Variants in UBAC2 observed in about 807,000 individuals in gnomAD.
UBAC2 encodes the protein UBA domain containing 2.
A neutral mutation model predicts 44.0 loss-of-function variants in UBAC2; 26 were observed. That is an observed-to-expected ratio of 0.59 (90% CI 0.43 to 0.82). The LOEUF (loss-of-function observed/expected upper bound fraction) is 0.82. Ranked by LOEUF, UBAC2 falls within the 40% of genes least tolerant of loss-of-function variation. The pLI is 0.00. For missense variants in UBAC2, 329 were observed against 419.4 expected (o/e 0.78, Z 1.88); for synonymous variants, 155 against 154.3 (o/e 1.00, Z -0.04).
chr13:99,341,723 C>T (rs368868428), intron 7 of UBAC2, among the ~76,000 whole-genome samples: 4 of 152,076 alleles, frequency 2.6e-5, no homozygotes, highest in African/African-American at 4.8e-5. Flanking sequence ...GATGAAGCCT[C>T]GTATTTAGCA....
intron 1 of UBAC2, chr13:99,215,299 C>A: frequency 2.6e-6 from 2 of 759,696 alleles, no homozygotes; most frequent in South Asian, 1.4e-5. Context: ...AAATATAGTC[C>A]ACTGGCATCA....
chr13:99,239,563 C>G (rs534343100), intron 2 of UBAC2, among the ~76,000 whole-genome samples: 1 of 152,342 alleles, frequency 6.6e-6, no homozygotes, highest in East Asian at 1.9e-4. Context: ...GCTTTGAGGA[C>G]CACTAATGTA....
chr13:99,229,707 T>C (rs180793625), intron 1 of UBAC2, among the ~76,000 whole-genome samples: 2 of 152,082 alleles, frequency 1.3e-5, no homozygotes, highest in East Asian at 3.9e-4. Context: ...ATGGGGAAAA[T>C]TTGGATTGTT....
intron 1 of UBAC2, among the ~76,000 whole-genome samples, chr13:99,222,587 A>G (rs558926600): frequency 3.3e-5 from 5 of 152,312 alleles, no homozygotes; most frequent in African/African-American, 9.6e-5. Context: ...ATTGATGACA[A>G]ATTGGTTTCA....
At chr13:99,325,228 A>G (rs918131038) in intron 6 of UBAC2, among the ~76,000 whole-genome samples, 1 of 149,630 alleles carries the variant, frequency 6.7e-6, no homozygotes, top group South Asian at 2.1e-4. Flanking sequence ...TCAGCCTCCC[A>G]AGTAGCTGGG....
intron 7 of UBAC2, among the ~76,000 whole-genome samples, chr13:99,343,407 G>A (rs1049073959): frequency 6.6e-6 from 1 of 152,144 alleles, no homozygotes; most frequent in Non-Finnish European, 1.5e-5. Flanking sequence ...CACGGGATCT[G>A]CCAGGTTGTA....
At chr13:99,201,297 C>T (rs1225298450) in intron 1 of UBAC2, 3 of 1,466,406 alleles carry the variant, frequency 2.0e-6, no homozygotes, top group South Asian at 1.4e-5. Flanking sequence ...AGGAAGGGGC[C>T]GTCCCCCTTA....
intron 1 of UBAC2, among the ~76,000 whole-genome samples, chr13:99,212,169 C>G (rs2042943493): frequency 6.6e-6 from 1 of 152,142 alleles, no homozygotes; most frequent in Non-Finnish European, 1.5e-5. Flanking sequence ...ATAGGTGGAA[C>G]CTATCTTACA....
chr13:99,319,152 C>G (rs2044535810), intron 6 of UBAC2, among the ~76,000 whole-genome samples: 1 of 151,956 alleles, frequency 6.6e-6, no homozygotes, highest in Non-Finnish European at 1.5e-5. Context: ...ATTTTTTCAT[C>G]TTGTCTATGC....
chr13:99,347,448 G>C (rs1020003857), intron 7 of UBAC2, among the ~76,000 whole-genome samples: 2 of 151,834 alleles, frequency 1.3e-5, no homozygotes, highest in Non-Finnish European at 2.9e-5. Flanking sequence ...AGCGCTGCAT[G>C]AGCTGGAAGT....
At chr13:99,276,141 T>C (rs965585048) in intron 4 of UBAC2, among the ~76,000 whole-genome samples, 1 of 152,196 alleles carries the variant, frequency 6.6e-6, no homozygotes, top group African/African-American at 2.4e-5. Context: ...TCTGCCAAGA[T>C]GGGGAGAGGC....
At chr13:99,335,821 G>T (rs1251479792) in intron 6 of UBAC2, among the ~76,000 whole-genome samples, 1 of 152,170 alleles carries the variant, frequency 6.6e-6, no homozygotes, top group South Asian at 2.1e-4. Flanking sequence ...CTCCCCAGAG[G>T]CGCCATAGCT....
At chr13:99,202,072 CAAA>C (rs776251286) in intron 1 of UBAC2, among the ~76,000 whole-genome samples, 722 of 71,914 alleles carry the variant, frequency 0.01, 3 homozygotes, top group African/African-American at 0.038. Context: ...GACTCCATCT[CAAA>C]AAAAAAAAAA....
intron 4 of UBAC2, among the ~76,000 whole-genome samples, chr13:99,304,689 G>A (rs556100684): frequency 3.5e-4 from 53 of 152,248 alleles, no homozygotes; most frequent in South Asian, 1.7e-3. Flanking sequence ...TTTACTCATT[G>A]AATCCTCTCA....
chr13:99,233,525 G>T (rs2043199563), intron 1 of UBAC2, among the ~76,000 whole-genome samples: 1 of 152,134 alleles, frequency 6.6e-6, no homozygotes, highest in Non-Finnish European at 1.5e-5. Flanking sequence ...AAGATGAGTG[G>T]GTAGGTGGAG....
intron 8 of UBAC2, among the ~76,000 whole-genome samples, chr13:99,371,975 A>G (rs1326205443): frequency 6.6e-6 from 1 of 152,258 alleles, no homozygotes; most frequent in Non-Finnish European, 1.5e-5. Context: ...TTAGTTCTTC[A>G]GAATCCACTC....
intron 4 of UBAC2, chr13:99,313,388 G>C (rs1014489598): frequency 6.6e-6 from 1 of 152,282 alleles, no homozygotes; most frequent in African/African-American, 2.4e-5. Flanking sequence ...AAGCAAGACT[G>C]TAAGTAGAAA....
At chr13:99,316,155 T>C (rs1487644951) in intron 5 of UBAC2, among the ~76,000 whole-genome samples, 2 of 152,052 alleles carry the variant, frequency 1.3e-5, no homozygotes, top group African/African-American at 4.8e-5. Context: ...AGGGAGAAGT[T>C]GAGATCAGAA....
intron 4 of UBAC2, among the ~76,000 whole-genome samples, chr13:99,301,145 G>A (rs977514580): frequency 2.0e-5 from 3 of 152,148 alleles, no homozygotes; most frequent in East Asian, 1.9e-4. Flanking sequence ...GATGCACGTG[G>A]CCCCTCAGCC....
Sources: allele counts gnomAD v4.1 joint callset (sites outside exome capture counted in the v4.1 genomes callset), GRCh38; gene constraint gnomAD v4.1.1; transcripts MANE v1.5; gene names NCBI Gene and HGNC (gene_info 2026-07-23, HGNC 2026-07-21).